B4GALT6: variants seen among roughly 807,000 people sequenced by gnomAD.
B4GALT6 encodes UDP-Gal:beta-GlcNAc beta-1,4-galactosyltransferase 6.
A neutral mutation model predicts 46.3 loss-of-function variants in B4GALT6; 14 were observed. The ratio of observed to expected loss-of-function variants is 0.30; its 90% confidence interval spans 0.20 to 0.47. The LOEUF is 0.47. Ranked by LOEUF, B4GALT6 falls within the 20% of genes least tolerant of loss-of-function variation. B4GALT6 has a pLI of 0.99. For synonymous variants in B4GALT6, 168 were observed against 162.0 expected (o/e 1.04, Z -0.28); for missense variants, 386 against 480.1 (o/e 0.80, Z 1.83).
intron 5 of B4GALT6, among the ~76,000 whole-genome samples, chr18:31,636,953 T>G (rs2073866756): frequency 6.6e-6 from 1 of 152,234 alleles, no homozygotes; most frequent in South Asian, 2.1e-4. Context: ...CCCAAGTAGC[T>G]GGGATTACAG....
At chr18:31,630,878 G>A (rs547089229) in intron 6 of B4GALT6, 81 bp downstream of exon 6, 18 of 1,445,614 alleles carry the variant, frequency 1.2e-5, no homozygotes, top group South Asian at 1.2e-4. Flanking sequence ...CTCAGATTTA[G>A]GGACATAACG....
chr18:31,650,329 A>C (rs936400799), intron 3 of B4GALT6, among the ~76,000 whole-genome samples: 23 of 152,234 alleles, frequency 1.5e-4, no homozygotes, highest in Non-Finnish European at 3.2e-4. Context: ...GCTTTAACTG[A>C]ACACATTTCA....
the B4GALT6 span, among the ~76,000 whole-genome samples, chr18:31,716,329 T>C: frequency 6.6e-6 from 1 of 152,162 alleles, no homozygotes; most frequent in African/African-American, 2.4e-5. Context: ...AACTGGATAA[T>C]GCAATCAAAA....
chr18:31,704,643 A>T, the B4GALT6 span, among the ~76,000 whole-genome samples: 1 of 152,210 alleles, frequency 6.6e-6, no homozygotes, highest in Non-Finnish European at 1.5e-5. Flanking sequence ...TTGCATTTTT[A>T]GAAGATACAA....
At position 31,652,557 on chromosome 18, in the gene B4GALT6, C is replaced by T. The variant is rs565932362; in HGVS notation, c.346+5419G>A. On this transcript the variant is annotated intron_variant, in intron 3 of 8. Coordinates refer to ENST00000306851, the MANE Select transcript of B4GALT6 (RefSeq NM_004775.5). ...TTCCCCTCTCACTTCCTCTGATGTT[C>T]AGTCCGGATCTCTTACTAAAGGCAG... 7.2e-5 allele frequency among the ~76,000 whole-genome samples: 11 copies of T among 152,304 alleles called. No individual in the cohort carries two copies. In the South Asian group the frequency reaches 2.1e-3, roughly 29 times the overall value.
chr18:31,647,760 G>A (rs1407505519), intron 3 of B4GALT6, among the ~76,000 whole-genome samples: 1 of 152,164 alleles, frequency 6.6e-6, no homozygotes, highest in East Asian at 1.9e-4. Context: ...CATAGGAAGG[G>A]AAGGGAAAAG....
the B4GALT6 span, among the ~76,000 whole-genome samples, chr18:31,691,826 CTCTT>C: frequency 6.6e-6 from 1 of 152,110 alleles, no homozygotes; most frequent in Non-Finnish European, 1.5e-5. Context: ...GCAACGTCCT[CTCTT>C]AAGCTAAAAT....
At chr18:31,683,419 A>C (rs1422402542) in intron 1 of B4GALT6, among the ~76,000 whole-genome samples, 6 of 152,256 alleles carry the variant, frequency 3.9e-5, no homozygotes, top group African/African-American at 1.4e-4. Flanking sequence ...CGTAATAGCC[A>C]GGAAAAACTC....
rs534730044 is a variant in B4GALT6 at position 31,624,709 on chromosome 18, C to T, written c.*905G>A. 4 of 151,846 alleles carry T rather than the reference C, an allele frequency of 2.6e-5. No individual in the cohort carries two copies. Among genetic ancestry groups the T allele is most frequent in the East Asian group, 1.9e-4 (1 of 5,172 alleles). 9.4% of individuals were successfully genotyped at this position (151,846 alleles called of 1,614,324 possible). ...TGGAAATAATAAAAGTGCTGTTCAC[C>T]GTGAATTTAAAAAAAATACACAGTA... On this transcript the variant is annotated 3_prime_UTR_variant, in exon 9 of 9. Coordinates refer to ENST00000306851, the MANE Select transcript of B4GALT6 (RefSeq NM_004775.5).
the B4GALT6 span, among the ~76,000 whole-genome samples, chr18:31,716,033 T>C: frequency 6.6e-6 from 1 of 152,136 alleles, no homozygotes; most frequent in Non-Finnish European, 1.5e-5. Context: ...CAGGTAAAAC[T>C]CTAATAAATG....
At chr18:31,715,195 C>G in the B4GALT6 span, among the ~76,000 whole-genome samples, 2 of 152,136 alleles carry the variant, frequency 1.3e-5, no homozygotes, top group African/African-American at 4.8e-5. Context: ...ATTTCTGTCT[C>G]CTTAGAACTG....
intron 3 of B4GALT6, 85 bp downstream of exon 3, chr18:31,657,891 C>A: frequency 2.0e-6 from 2 of 992,010 alleles, no homozygotes; most frequent in Non-Finnish European, 3.1e-6. Flanking sequence ...ACATGACCTG[C>A]TCCTGCTGCA....
At chr18:31,717,046 T>G in the B4GALT6 span, among the ~76,000 whole-genome samples, 2 of 151,940 alleles carry the variant, frequency 1.3e-5, no homozygotes, top group African/African-American at 4.8e-5. Context: ...GAGGTTGCAG[T>G]GAGCGGATAT....
At chr18:31,709,601 G>GTA in the B4GALT6 span, among the ~76,000 whole-genome samples, 1,347 of 135,952 alleles carry the variant, frequency 9.9e-3, 15 homozygotes, top group Admixed American at 0.027. Context: ...GTGTGTGTGT[G>GTA]TGTATATATA....
Position 31,627,112 on chromosome 18 carries a change from A to G in B4GALT6, c.786T>C (p.Tyr262=), listed in dbSNP as rs2073709832. ...KLDKYMYILP[Y]KEFFGGVSGL... Reference sequence around the variant, plus strand: ...CACTTACACCACCAAAAAATTCTTTATATGGAAGACTAGAAAAGAAAGACA... The same window carrying G: ...CACTTACACCACCAAAAAATTCTTTGTATGGAAGACTAGAAAAGAAAGACA... Residue 262 remains tyrosine, a synonymous_variant, in exon 7 of 9, where the codon TAT becomes TAC. Transcript: ENST00000306851. 1 of 1,597,940 alleles carries G rather than the reference A, an allele frequency of 6.3e-7. No individual in the cohort carries two copies. The highest frequency in any genetic ancestry group is 8.5e-7 in the Non-Finnish European group (1 of 1,174,810).
At chr18:31,691,879 T>TA in the B4GALT6 span, among the ~76,000 whole-genome samples, 1 of 152,104 alleles carries the variant, frequency 6.6e-6, no homozygotes, top group East Asian at 1.9e-4. Context: ...TAAGTTACTG[T>TA]AAAAAATAAG....
intron 1 of B4GALT6, among the ~76,000 whole-genome samples, chr18:31,680,040 A>G (rs1444705266): frequency 6.6e-6 from 1 of 152,318 alleles, no homozygotes; most frequent in East Asian, 1.9e-4. Context: ...TGTTACTCAC[A>G]GGACAAAAAA....
chr18:31,680,135 T>C (rs1327661547), intron 1 of B4GALT6, among the ~76,000 whole-genome samples: 1 of 151,882 alleles, frequency 6.6e-6, no homozygotes, highest in Non-Finnish European at 1.5e-5. Context: ...GGATACCAAA[T>C]CCGAACTCCT....
Sources: allele counts gnomAD v4.1 joint callset (sites outside exome capture counted in the v4.1 genomes callset), GRCh38; gene constraint gnomAD v4.1.1; transcripts MANE v1.5; gene names NCBI Gene and HGNC (gene_info 2026-07-23, HGNC 2026-07-21).